Variants in RAB11FIP4 observed in about 807,000 individuals in gnomAD.
The protein encoded by RAB11FIP4 is RAB11 family interacting protein 4, also known as rab11 family-interacting protein 4.
Under a neutral mutation model 74.3 loss-of-function variants are expected in RAB11FIP4, and 23 were observed. That is an observed-to-expected ratio of 0.31 (90% CI 0.22 to 0.44). The LOEUF (loss-of-function observed/expected upper bound fraction) is 0.44. Ranked by LOEUF, RAB11FIP4 falls within the 20% of genes least tolerant of loss-of-function variation. The pLI, the probability that RAB11FIP4 is intolerant of heterozygous loss-of-function variation, is 1.00. For synonymous variants in RAB11FIP4, 360 were observed against 359.9 expected (o/e 1.00, Z 0.00); for missense variants, 630 against 863.9 (o/e 0.73, Z 3.39).
Position 31,505,610 on chromosome 17 carries a change from TTA to T in RAB11FIP4, c.337-12034_337-12033del, listed in dbSNP as rs1286440286. Among the ~76,000 whole-genome samples, 90 of 44,042 alleles carry T rather than the reference TTA, an allele frequency of 2.0e-3. 2 individuals are homozygous for T. The East Asian group carries it at 0.075, about 37-fold the overall frequency. The allele number at this position is 44,042 out of a possible 152,430, so 28.9% of individuals were successfully genotyped here. A position where few individuals can be genotyped will look rare whatever the true frequency, so the allele number is the denominator to read the frequency against. ...ATAATTATATATTATATAATAATAA[TTA>T]TATATAATATATAATTATATAATAA... On this transcript the variant is annotated intron_variant, in intron 3 of 14. Coordinates refer to ENST00000621161, the MANE Select transcript of RAB11FIP4 (RefSeq NM_032932.6).
At chr17:31,411,272 G>A (rs777204843) in intron 1 of RAB11FIP4, among the ~76,000 whole-genome samples, 4 of 152,216 alleles carry the variant, frequency 2.6e-5, no homozygotes, top group Non-Finnish European at 5.9e-5. Flanking sequence ...GCTGAGGCAG[G>A]AGAATAGCGT....
chr17:31,518,587 A>G (rs1426179992), intron 4 of RAB11FIP4: 1 of 152,210 alleles, frequency 6.6e-6, no homozygotes, highest in Non-Finnish European at 1.5e-5. Flanking sequence ...GGAATGGGTC[A>G]CCACCAGGTT....
At chr17:31,447,942 TC>T (rs1282715437) in intron 3 of RAB11FIP4, among the ~76,000 whole-genome samples, 2 of 152,070 alleles carry the variant, frequency 1.3e-5, no homozygotes, top group African/African-American at 4.8e-5. Flanking sequence ...TGCCTCAGCC[TC>T]TTGAGTAGCT....
intron 1 of RAB11FIP4, among the ~76,000 whole-genome samples, chr17:31,413,558 C>T (rs1407658890): frequency 1.3e-5 from 2 of 151,550 alleles, no homozygotes; most frequent in African/African-American, 4.8e-5. Flanking sequence ...CTGGCCTTGG[C>T]TACCCTCTCC....
chr17:31,466,805 C>A (rs1326538936), intron 3 of RAB11FIP4, among the ~76,000 whole-genome samples: 1 of 152,214 alleles, frequency 6.6e-6, no homozygotes, highest in Non-Finnish European at 1.5e-5. Flanking sequence ...CAAAGTTGAG[C>A]TTCCCTTAGC....
In RAB11FIP4 at chr17:31,537,922, C is replaced by T. The variant is rs1190125698; in HGVS notation, c.*6190C>T. The T allele has an allele frequency of 6.5e-6, 1 of 152,696 alleles. No homozygotes were observed. Among genetic ancestry groups the T allele is most frequent in the Non-Finnish European group, 1.5e-5 (1 of 68,096 alleles). The allele number at this position is 152,696 out of a possible 1,614,324, so 9.5% of individuals were successfully genotyped here. A position where few individuals can be genotyped will look rare whatever the true frequency, so the allele number is the denominator to read the frequency against. On this transcript the variant is annotated 3_prime_UTR_variant, in exon 15 of 15. Coordinates refer to ENST00000621161, the MANE Select transcript of RAB11FIP4 (RefSeq NM_032932.6). ...ACGTGGAATGAACTACACATGTGGC[C>T]TCATGCCCAAGGGTTTGTTAGATGG...
At chr17:31,521,440 G>A (rs577195463) in intron 5 of RAB11FIP4, 80 bp downstream of exon 5, 10 of 1,289,532 alleles carry the variant, frequency 7.8e-6, no homozygotes, top group Middle Eastern at 2.1e-4. Context: ...GTGGGGGGGT[G>A]CGAGTCCTGA....
intron 3 of RAB11FIP4, among the ~76,000 whole-genome samples, chr17:31,505,639 AATT>A (rs1237755905): frequency 1.2e-4 from 12 of 97,534 alleles, no homozygotes; most frequent in African/African-American, 6.1e-4. Context: ...ATATAATAAT[AATT>A]ATATATAATA....
intron 3 of RAB11FIP4, among the ~76,000 whole-genome samples, chr17:31,438,629 A>G (rs1321824371): frequency 1.3e-5 from 2 of 151,818 alleles, no homozygotes; most frequent in African/African-American, 4.8e-5. Flanking sequence ...ATGAAAACCA[A>G]CATCAGCTCC....
intron 3 of RAB11FIP4, among the ~76,000 whole-genome samples, chr17:31,464,508 G>A (rs2071665187): frequency 6.6e-6 from 1 of 151,980 alleles, no homozygotes; most frequent in African/African-American, 2.4e-5. Flanking sequence ...CGGGACTGCA[G>A]TGTCATGGTC....
chr17:31,466,726 T>A (rs2071689498), intron 3 of RAB11FIP4, among the ~76,000 whole-genome samples: 1 of 152,140 alleles, frequency 6.6e-6, no homozygotes, highest in Non-Finnish European at 1.5e-5. Context: ...CACTCTGGGG[T>A]TGGGGTAATT....
In RAB11FIP4 at chr17:31,391,963, C is replaced by T; in HGVS notation, c.111C>T (p.Arg37=). The stretch of plus-strand genomic sequence containing the variant: ...GCCGCGACCCCGACGGCTTCCTGCG[C>T]GTGGAGCGCGTCGCGGCGCTCGGAC... ...VCGRDPDGFL[R]VERVAALGLR... Residue 37 remains arginine, a synonymous_variant, in exon 1 of 15, where the codon CGC becomes CGT. Coordinates refer to ENST00000621161, the MANE Select transcript of RAB11FIP4 (RefSeq NM_032932.6). 1 of 1,375,168 alleles carries T rather than the reference C, an allele frequency of 7.3e-7. No homozygotes were observed. Among genetic ancestry groups the T allele is most frequent in the Non-Finnish European group, 9.4e-7 (1 of 1,061,876 alleles). The allele number at this position is 1,375,168 out of a possible 1,614,324, so 85.2% of individuals were successfully genotyped here. A position where few individuals can be genotyped will look rare whatever the true frequency, so the allele number is the denominator to read the frequency against.
chr17:31,521,794 C>T (rs2072670526), intron 5 of RAB11FIP4, 121 bp from the exon 6 acceptor site: 1 of 1,124,516 alleles, frequency 8.9e-7, no homozygotes, highest in Admixed American at 2.3e-5. Context: ...CACTCCCTGC[C>T]CCTCCCCCGT....
rs576454036 is a variant in RAB11FIP4 at position 31,528,695 on chromosome 17, C to T, written c.1570C>T (p.Arg524Cys). 6.2e-6 allele frequency: 10 copies of T among 1,612,406 alleles called. No homozygotes were observed. Among genetic ancestry groups the T allele is most frequent in the Admixed American group, 3.3e-5 (2 of 59,948 alleles). ...GGACTGCGAGCGGCCAGGCAGGGGC[C>T]GCAGTGCCTCCTCTGGCCTAGGCGA... ...KLDCERPGRGRSASSGLGEFN... is the reference protein window; with the variant it reads ...KLDCERPGRGCSASSGLGEFN... The change falls in exon 13 of 15, where the codon CGC becomes TGC. Residue 524 changes from arginine to cysteine, a missense_variant. Coordinates refer to ENST00000621161, the MANE Select transcript of RAB11FIP4 (RefSeq NM_032932.6).
At chr17:31,414,772 C>A (rs1251252572) in intron 1 of RAB11FIP4, among the ~76,000 whole-genome samples, 1 of 152,266 alleles carries the variant, frequency 6.6e-6, no homozygotes, top group Non-Finnish European at 1.5e-5. Context: ...CCATCACCAC[C>A]TTTTATCCCA....
chr17:31,405,380 T>C (rs1209653688), intron 1 of RAB11FIP4, among the ~76,000 whole-genome samples: 1 of 152,110 alleles, frequency 6.6e-6, no homozygotes, highest in East Asian at 1.9e-4. Flanking sequence ...TGATCTTTTT[T>C]TTTTTTTGAG....
At chr17:31,419,841 C>T (rs1025139875) in intron 1 of RAB11FIP4, among the ~76,000 whole-genome samples, 2 of 152,096 alleles carry the variant, frequency 1.3e-5, no homozygotes, top group Non-Finnish European at 2.9e-5. Context: ...TGAGCCACTG[C>T]GCCCAGCAGG....
At chr17:31,528,287 G>C in intron 11 of RAB11FIP4, 119 bp from the exon 12 acceptor site, 1 of 1,164,030 alleles carries the variant, frequency 8.6e-7, no homozygotes, top group Non-Finnish European at 1.2e-6. Context: ...GTCTAAGGGA[G>C]CTGGTTTCAC....
chr17:31,516,931 TTTGA>T (rs749250885), intron 3 of RAB11FIP4, among the ~76,000 whole-genome samples: 2 of 152,030 alleles, frequency 1.3e-5, no homozygotes, highest in Admixed American at 6.6e-5. Context: ...CCACAGTCAG[TTTGA>T]TTGGTTGCAG....
Sources: gnomAD v4.1 joint callset for allele counts (sites outside exome capture counted in the v4.1 genomes callset) on GRCh38, gnomAD v4.1.1 for gene constraint, MANE v1.5 for transcripts, NCBI Gene and HGNC (gene_info 2026-07-23, HGNC 2026-07-21) for gene names.